MAN1C1: variants seen among roughly 807,000 people sequenced by gnomAD.
The protein encoded by MAN1C1 is mannosidase alpha class 1C member 1, also known as mannosyl-oligosaccharide 1,2-alpha-mannosidase IC.
A neutral mutation model predicts 71.5 loss-of-function variants in MAN1C1; 49 were observed. That is an observed-to-expected ratio of 0.69 (90% CI 0.54 to 0.87). The LOEUF (loss-of-function observed/expected upper bound fraction) is 0.87, where lower values mean the gene tolerates loss of function less well. MAN1C1 is among the 40% of genes least tolerant of loss of function. The probability of loss-of-function intolerance (pLI) is 0.00; values close to 1 mark genes in which losing one functional copy is unlikely to be tolerated. For synonymous variants in MAN1C1, 352 were observed against 343.7 expected, an observed-to-expected ratio of 1.02 and a Z score of -0.27; for missense variants, 743 against 835.0, an observed-to-expected ratio of 0.89 and a Z score of 1.36.
intron 4 of MAN1C1, among the ~76,000 whole-genome samples, chr1:25,752,582 G>T (rs1320228744): frequency 6.6e-6 from 1 of 152,192 alleles, no homozygotes. Flanking sequence ...TCTAAACAAT[G>T]CTGGAATAAA....
At chr1:25,783,572 C>T in intron 11 of MAN1C1, 91 bp from the exon 12 acceptor site, 3 of 1,448,380 alleles carry the variant, frequency 2.1e-6, no homozygotes, top group Non-Finnish European at 2.9e-6. Flanking sequence ...AGGCCTATCA[C>T]AAAGGCCCTG....
At chr1:25,663,251 TC>T (rs1264591623) in intron 1 of MAN1C1, among the ~76,000 whole-genome samples, 44 of 151,360 alleles carry the variant, frequency 2.9e-4, no homozygotes, top group Admixed American at 7.2e-4. Context: ...CAGACACACC[TC>T]CTATTCCTCT....
chr1:25,704,560 A>G (rs939389354), intron 2 of MAN1C1, among the ~76,000 whole-genome samples: 2 of 152,164 alleles, frequency 1.3e-5, no homozygotes, highest in African/African-American at 4.8e-5. Flanking sequence ...ACATTTAACC[A>G]CTTCCCTTTG....
intron 1 of MAN1C1, among the ~76,000 whole-genome samples, chr1:25,632,945 G>A (rs2045405854): frequency 7.0e-6 from 1 of 142,336 alleles, no homozygotes; most frequent in Admixed American, 7.6e-5. Context: ...TTGGCTCACT[G>A]CAACCTCTGC....
intron 9 of MAN1C1, 139 bp from the exon 10 acceptor site, chr1:25,780,801 C>A (rs2047681950): frequency 2.4e-6 from 2 of 828,586 alleles, no homozygotes; most frequent in Non-Finnish European, 3.9e-6. Context: ...ACACAGCAGT[C>A]CAGGCAGGGG....
intron 1 of MAN1C1, among the ~76,000 whole-genome samples, chr1:25,684,467 G>A (rs1383248522): frequency 6.6e-6 from 1 of 152,236 alleles, no homozygotes; most frequent in Non-Finnish European, 1.5e-5. Context: ...TGGGAGATGA[G>A]TGAACGGGGT....
rs1366818343 is a variant in MAN1C1, at chr1:25,634,091, T to A, written c.540+15754T>A. On this transcript the variant is annotated intron_variant, in intron 1 of 11. Transcript: ENST00000374332. This position sits in a 1 kb window ranked among gnomAD's most constrained non-coding sequence, Gnocchi z 4.6. ...TATATTGATTTTGTATCATATGACC[T>A]TATTGAACCAATTTATTATGTATAT... Among the ~76,000 whole-genome samples, 6 of 152,226 alleles carry A rather than the reference T, an allele frequency of 3.9e-5. No individual in the cohort carries two copies. Among genetic ancestry groups the A allele is most frequent in the Non-Finnish European group, 5.9e-5 (4 of 68,042 alleles).
intron 1 of MAN1C1, among the ~76,000 whole-genome samples, chr1:25,622,846 G>A (rs796454700): frequency 5.9e-5 from 9 of 152,268 alleles, no homozygotes; most frequent in African/African-American, 1.9e-4. Flanking sequence ...GGGCTGGTTC[G>A]TTAGTCATGT....
At chr1:25,699,281 CAA>C (rs1208443610) in intron 2 of MAN1C1, among the ~76,000 whole-genome samples, 1 of 137,712 alleles carries the variant, frequency 7.3e-6, no homozygotes, top group African/African-American at 2.7e-5. Context: ...GCCTGGGCAA[CAA>C]GAGCGAAACT....
intron 1 of MAN1C1, among the ~76,000 whole-genome samples, chr1:25,653,183 A>G (rs1479987330): frequency 6.6e-6 from 1 of 152,068 alleles, no homozygotes; most frequent in African/African-American, 2.4e-5. Context: ...GCTCAAATCC[A>G]TCCTCCCACC....
chr1:25,650,710 A>G (rs2045679434), intron 1 of MAN1C1, among the ~76,000 whole-genome samples: 1 of 152,214 alleles, frequency 6.6e-6, no homozygotes, highest in Non-Finnish European at 1.5e-5. Flanking sequence ...TTAGACACCG[A>G]TAAATCTACC....
At chr1:25,632,492 T>G (rs2045397162) in intron 1 of MAN1C1, among the ~76,000 whole-genome samples, 1 of 152,108 alleles carries the variant, frequency 6.6e-6, no homozygotes, top group Admixed American at 6.5e-5. Flanking sequence ...TGTTTCAATT[T>G]CATTTACTTC....
At chr1:25,741,861 G>A (rs1248209654) in intron 2 of MAN1C1, among the ~76,000 whole-genome samples, 3 of 152,236 alleles carry the variant, frequency 2.0e-5, no homozygotes, top group Non-Finnish European at 4.4e-5. Context: ...GTATCGGTAT[G>A]TAAGGAGGGA....
rs951763366 is a variant in MAN1C1, at chr1:25,753,288, C to A, written c.835-196C>A. The stretch of plus-strand genomic sequence containing the variant: ...GGCCAGTATTATCCTATTTTATGGA[C>A]AAAAGCTGAGGCTCAGAAGTACCTT... On this transcript the variant is annotated intron_variant, in intron 4 of 11. Transcript: ENST00000374332. The surrounding 1 kb of genome is among the most constrained non-coding windows in gnomAD (Gnocchi z 4.9). Among the ~76,000 whole-genome samples, 1 of 152,226 alleles carries A rather than the reference C, an allele frequency of 6.6e-6. No homozygotes were observed. Among genetic ancestry groups the A allele is most frequent in the Non-Finnish European group, 1.5e-5 (1 of 68,042 alleles).
chr1:25,722,238 A>T (rs1023063256), intron 2 of MAN1C1, among the ~76,000 whole-genome samples: 5 of 152,134 alleles, frequency 3.3e-5, no homozygotes, highest in African/African-American at 1.2e-4. Flanking sequence ...CTGAAATTTC[A>T]TGACGATATA....
chr1:25,668,194 T>G (rs1414811255), intron 1 of MAN1C1, among the ~76,000 whole-genome samples: 1 of 151,572 alleles, frequency 6.6e-6, no homozygotes, highest in East Asian at 1.9e-4. Flanking sequence ...TTTTTTCAGA[T>G]ATTTATTAAG....
chr1:25,679,650 G>A (rs571025097), intron 1 of MAN1C1, among the ~76,000 whole-genome samples: 21 of 150,458 alleles, frequency 1.4e-4, no homozygotes, highest in Admixed American at 2.6e-4. Flanking sequence ...TTCCGCAAAC[G>A]TTAACATTAA....
chr1:25,771,848 G>T (rs897949786), intron 8 of MAN1C1, 76 bp downstream of exon 8: 7 of 1,147,808 alleles, frequency 6.1e-6, no homozygotes, highest in Admixed American at 3.5e-5. Context: ...CGAGGGTGCT[G>T]CGGGCAGCGG....
At chr1:25,667,756 A>G (rs986176716) in intron 1 of MAN1C1, among the ~76,000 whole-genome samples, 1 of 152,186 alleles carries the variant, frequency 6.6e-6, no homozygotes, top group African/African-American at 2.4e-5. Context: ...ACAATATCCT[A>G]AGTGGCCTCT....
Sources: allele counts gnomAD v4.1 joint callset (sites outside exome capture counted in the v4.1 genomes callset), GRCh38; gene constraint gnomAD v4.1.1; non-coding constraint Gnocchi (gnomAD v3.1); transcripts MANE v1.5; gene names NCBI Gene and HGNC (gene_info 2026-07-23, HGNC 2026-07-21).